CMIP: variants seen among roughly 807,000 people sequenced by gnomAD.
The protein encoded by CMIP is c-Maf inducing protein, also known as C-Maf-inducing protein.
Under a neutral mutation model 97.3 loss-of-function variants are expected in CMIP, and 13 were observed. That is an observed-to-expected ratio of 0.13 (90% CI 0.09 to 0.21). The LOEUF (loss-of-function observed/expected upper bound fraction) is 0.21, where lower values mean the gene tolerates loss of function less well. Ranked by LOEUF, CMIP falls within the 10% of genes least tolerant of loss-of-function variation. The pLI is 1.00. For missense variants in CMIP, 847 were observed against 1,024.9 expected (o/e 0.83, Z 2.37); for synonymous variants, 538 against 436.3 (o/e 1.23, Z -2.91).
Position 81,627,593 on chromosome 16 carries a change from C to A in CMIP, c.477+6667C>A, listed in dbSNP as rs903709104. Among the ~76,000 whole-genome samples, 5 of 151,994 alleles carry A rather than the reference C, an allele frequency of 3.3e-5. No homozygotes were observed. Among genetic ancestry groups the A allele is most frequent in the African/African-American group, 1.2e-4 (5 of 41,370 alleles). ...AGCCCGCCCTCGAGACTGTCTCTGCCCGGCTCTGGCCACGGAGTGTCCCCT... is the reference window on the plus strand; with the variant it reads ...AGCCCGCCCTCGAGACTGTCTCTGCACGGCTCTGGCCACGGAGTGTCCCCT... On this transcript the variant is annotated intron_variant, in intron 3 of 20. Transcript: ENST00000537098. This position sits in a 1 kb window ranked among gnomAD's most constrained non-coding sequence, Gnocchi z 4.6.
chr16:81,487,421 C>G (rs1000262847), intron 1 of CMIP, among the ~76,000 whole-genome samples: 5 of 152,218 alleles, frequency 3.3e-5, no homozygotes, highest in Non-Finnish European at 2.9e-5. Context: ...GACCAAACCA[C>G]ACAGCCCTTG....
intron 10 of CMIP, among the ~76,000 whole-genome samples, chr16:81,683,416 G>T (rs1255661248): frequency 6.6e-6 from 1 of 152,172 alleles, no homozygotes; most frequent in African/African-American, 2.4e-5. Context: ...CTAATGACTG[G>T]GAGGCAGGGC....
intron 1 of CMIP, among the ~76,000 whole-genome samples, chr16:81,559,666 A>G (rs1237227621): frequency 1.3e-5 from 2 of 152,242 alleles, no homozygotes; most frequent in African/African-American, 4.8e-5. Context: ...TCGCACTGCC[A>G]GTCGTGCAAA....
intron 1 of CMIP, among the ~76,000 whole-genome samples, chr16:81,582,587 A>G (rs1450080964): frequency 6.6e-6 from 1 of 152,026 alleles, no homozygotes. Flanking sequence ...TTCAGAGACC[A>G]CTTTCCAGCA....
intron 5 of CMIP, 103 bp downstream of exon 5, chr16:81,657,919 G>A: frequency 1.1e-6 from 1 of 939,460 alleles, no homozygotes; most frequent in Non-Finnish European, 1.6e-6. Flanking sequence ...TAATCCACCA[G>A]CATCTGGCCT....
chr16:81,520,795 G>A (rs947112382), intron 1 of CMIP, among the ~76,000 whole-genome samples: 11 of 152,144 alleles, frequency 7.2e-5, no homozygotes, highest in South Asian at 2.1e-4. Context: ...TCATTCCTGT[G>A]TAAAATGGGT....
chr16:81,638,944 T>A (rs915452210), intron 3 of CMIP, among the ~76,000 whole-genome samples: 10 of 152,190 alleles, frequency 6.6e-5, no homozygotes, highest in Non-Finnish European at 1.2e-4. Context: ...CAGGCTGTTT[T>A]TCCACTGCAC....
intron 1 of CMIP, among the ~76,000 whole-genome samples, chr16:81,461,244 T>G (rs2150738218): frequency 6.6e-6 from 1 of 152,322 alleles, no homozygotes; most frequent in East Asian, 1.9e-4. Context: ...CAGCCTTGAT[T>G]TGACTGAATT....
At chr16:81,629,864 G>T (rs12919861) in intron 3 of CMIP, among the ~76,000 whole-genome samples, 3 of 152,108 alleles carry the variant, frequency 2.0e-5, no homozygotes, top group African/African-American at 7.2e-5. Context: ...GCTTTCCTCA[G>T]TTATAGATAA....
intron 3 of CMIP, among the ~76,000 whole-genome samples, chr16:81,628,114 C>T (rs1418791874): frequency 1.3e-5 from 2 of 152,140 alleles, no homozygotes; most frequent in African/African-American, 4.8e-5. Context: ...AAGGGGGGAT[C>T]CCTACAAAAG....
intron 1 of CMIP, among the ~76,000 whole-genome samples, chr16:81,478,816 G>A (rs889786926): frequency 1.3e-5 from 2 of 152,180 alleles, no homozygotes; most frequent in South Asian, 4.1e-4. Flanking sequence ...GAGACCCAGG[G>A]CTCTGGGATT....
intron 1 of CMIP, among the ~76,000 whole-genome samples, chr16:81,558,823 G>A (rs994118173): frequency 1.1e-4 from 16 of 152,162 alleles, no homozygotes; most frequent in Non-Finnish European, 1.8e-4. Flanking sequence ...GAGTGGCTGC[G>A]CACAGTAGGC....
intron 1 of CMIP, among the ~76,000 whole-genome samples, chr16:81,457,956 C>A (rs747114871): frequency 1.3e-5 from 2 of 152,256 alleles, no homozygotes; most frequent in Non-Finnish European, 2.9e-5. Context: ...ACCTCCCCCT[C>A]GCTGTCCCTG....
intron 1 of CMIP, among the ~76,000 whole-genome samples, chr16:81,554,850 C>T (rs2090729853): frequency 6.6e-6 from 1 of 152,192 alleles, no homozygotes; most frequent in Admixed American, 6.5e-5. Context: ...CTAACAGGCC[C>T]TGAAGAGATG....
chr16:81,580,436 T>A (rs529746321), intron 1 of CMIP, among the ~76,000 whole-genome samples: 5 of 152,166 alleles, frequency 3.3e-5, no homozygotes, highest in South Asian at 4.2e-4. Context: ...TTTCTTTTTT[T>A]AATTTTTTTA....
intron 1 of CMIP, among the ~76,000 whole-genome samples, chr16:81,449,119 G>A (rs1321449748): frequency 1.3e-5 from 2 of 152,260 alleles, no homozygotes; most frequent in Non-Finnish European, 2.9e-5. Context: ...CACCACAGAA[G>A]TACAAATAAG....
intron 1 of CMIP, among the ~76,000 whole-genome samples, chr16:81,541,204 T>C (rs539731611): frequency 6.6e-6 from 1 of 151,918 alleles, no homozygotes; most frequent in Non-Finnish European, 1.5e-5. Context: ...CCTTCTAGGG[T>C]TTTTTCCTTT....
chr16:81,503,230 C>T (rs946572054), intron 1 of CMIP, among the ~76,000 whole-genome samples: 1 of 152,084 alleles, frequency 6.6e-6, no homozygotes, highest in Non-Finnish European at 1.5e-5. Context: ...ACATGGTTAC[C>T]CTGCTCTGGA....
At chr16:81,617,750 C>T (rs941443787) in intron 2 of CMIP, among the ~76,000 whole-genome samples, 2 of 152,216 alleles carry the variant, frequency 1.3e-5, no homozygotes. Flanking sequence ...AGAAATAAGA[C>T]CCTGCCCTCA....
Sources: allele counts gnomAD v4.1 joint callset (sites outside exome capture counted in the v4.1 genomes callset), GRCh38; gene constraint gnomAD v4.1.1; non-coding constraint Gnocchi (gnomAD v3.1); transcripts MANE v1.5; gene names NCBI Gene and HGNC (gene_info 2026-07-23, HGNC 2026-07-21).